FBN2: variants seen among roughly 807,000 people sequenced by gnomAD.
The protein encoded by FBN2 is fibrillin 2, also known as fibrillin-2.
A neutral mutation model predicts 355.6 loss-of-function variants in FBN2; 105 were observed. The ratio of observed to expected loss-of-function variants is 0.30; its 90% confidence interval spans 0.25 to 0.35. The LOEUF (loss-of-function observed/expected upper bound fraction) is 0.35, where lower values mean the gene tolerates loss of function less well. FBN2 is among the 10% of genes least tolerant of loss of function. The pLI, the probability that FBN2 is intolerant of heterozygous loss-of-function variation, is 1.00. For missense variants in FBN2, 3,280 were observed against 3,758.7 expected (o/e 0.87, Z 3.33); for synonymous variants, 1,350 against 1,301.2 (o/e 1.04, Z -0.81).
rs143288020 is a variant in FBN2, at chr5:128,376,995, G to A, written c.1850-142C>T. 4.9e-4 allele frequency: 480 copies of A among 982,408 alleles called. 3 individuals are homozygous for A. In the East Asian group the frequency reaches 0.011, roughly 22 times the overall value. 60.9% of individuals were successfully genotyped at this position (982,408 alleles called of 1,614,324 possible). A position where few individuals can be genotyped will look rare whatever the true frequency, so the allele number is the denominator to read the frequency against. Reference sequence around the variant, plus strand: ...TTTTAGTTTTTTTTAAAAAAAGAACGCCAACTGAATGAGAAAAAATAGTGC... The same window carrying A: ...TTTTAGTTTTTTTTAAAAAAAGAACACCAACTGAATGAGAAAAAATAGTGC... On this transcript the variant is annotated intron_variant, in intron 13 of 64. Coordinates refer to ENST00000262464, the MANE Select transcript of FBN2 (RefSeq NM_001999.4).
chr5:128,414,687 A>G (rs1444863323), intron 7 of FBN2, among the ~76,000 whole-genome samples: 1 of 152,160 alleles, frequency 6.6e-6, no homozygotes, highest in Non-Finnish European at 1.5e-5. Flanking sequence ...TTCTATGTTT[A>G]ACTTGTTGAG....
At chr5:128,537,190 G>A (rs945096920) in intron 1 of FBN2, among the ~76,000 whole-genome samples, 160 bp downstream of exon 1, 1 of 148,538 alleles carries the variant, frequency 6.7e-6, no homozygotes, top group African/African-American at 2.6e-5. Context: ...GGAAAAGGGG[G>A]ACGCGCTCCT....
chr5:128,419,004 T>A (rs529497171), intron 7 of FBN2, among the ~76,000 whole-genome samples: 17 of 152,334 alleles, frequency 1.1e-4, no homozygotes, highest in African/African-American at 4.1e-4. Flanking sequence ...TTTATTTAGA[T>A]CATTCTTAAT....
rs3215046 is a variant in FBN2 at position 128,311,167 on chromosome 5, G to GA, written c.5074+132dup. 24,273 of 692,440 alleles carry GA rather than the reference G, an allele frequency of 0.035. 11 individuals carry two copies. The highest frequency in any genetic ancestry group is 0.041 in the Middle Eastern group (99 of 2,402). The allele number at this position is 692,440 out of a possible 1,614,324, so 42.9% of individuals were successfully genotyped here. ...TCATACAACTTAGCTACATTGATAT[G>GA]AAAAAAAAAAAAGCTATGAACCAAT... On this transcript the variant is annotated intron_variant, in intron 39 of 64. Transcript: ENST00000262464.
At chr5:128,496,243 A>G (rs74473698) in intron 5 of FBN2, among the ~76,000 whole-genome samples, 2,182 of 152,248 alleles carry the variant, frequency 0.014, 58 homozygotes, top group African/African-American at 0.049. Context: ...AAAGAAAACT[A>G]CAGACAATAT....
In FBN2 at chr5:128,480,014, ATATATATATG is replaced by A. The variant is rs1349510142; in HGVS notation, c.629-15103_629-15094del. Among the ~76,000 whole-genome samples the A allele has an allele frequency of 5.0e-3, 369 of 73,946 alleles. 1 individual carries two copies. Among genetic ancestry groups the A allele is most frequent in the Non-Finnish European group, 6.4e-3 (220 of 34,374 alleles). 48.5% of individuals were successfully genotyped at this position (73,946 alleles called of 152,430 possible). A position where few individuals can be genotyped will look rare whatever the true frequency, so the allele number is the denominator to read the frequency against. On this transcript the variant is annotated intron_variant, in intron 5 of 64. Transcript: ENST00000262464. ...TATATATATATATATATATATATAT[ATATATATATG>A]TATATACACACACACACACACATAT...
chr5:128,304,303 C>T (rs1038517356), intron 45 of FBN2, among the ~76,000 whole-genome samples: 2 of 152,182 alleles, frequency 1.3e-5, no homozygotes, highest in Non-Finnish European at 2.9e-5. Context: ...TATACTCAGT[C>T]CCAGCTTCAT....
At chr5:128,320,817 G>A (rs1278276026) in intron 34 of FBN2, among the ~76,000 whole-genome samples, 1 of 152,132 alleles carries the variant, frequency 6.6e-6, no homozygotes, top group Non-Finnish European at 1.5e-5. Flanking sequence ...CTTTTCTAAT[G>A]TTAAGAATAA....
intron 27 of FBN2, 24 bp from the exon 28 acceptor site, chr5:128,336,137 T>C: frequency 6.2e-7 from 1 of 1,610,936 alleles, no homozygotes; most frequent in Non-Finnish European, 8.5e-7. Flanking sequence ...ACAGAAGTAA[T>C]GCTTTACACA....
chr5:128,263,309 C>A, intron 63 of FBN2, 116 bp downstream of exon 63: 1 of 796,822 alleles, frequency 1.3e-6, no homozygotes, highest in Non-Finnish European at 2.2e-6. Context: ...GAGTTCTAAT[C>A]AATGCTTTTG....
At position 128,377,800 on chromosome 5, in the gene FBN2, T is replaced by C. The variant is rs1360330555; in HGVS notation, c.1801A>G (p.Ile601Val). The change falls in exon 13 of 65, where the codon ATT (isoleucine) becomes GTT (valine). Residue 601 changes from isoleucine (I) to valine (V), a missense_variant. Ile to Val is a conservative substitution (Grantham distance 29). Coordinates refer to ENST00000262464, the MANE Select transcript of FBN2 (RefSeq NM_001999.4). ...CVNTDGSFQC[I>V]CNAGFELTTD... is the part of the protein sequence containing the mutation. The stretch of plus-strand genomic sequence containing the variant: ...GTTAATTCAAAGCCGGCATTGCAAA[T>C]GCACTGGAAACTTCCATCTGTGTTC... The C allele has an allele frequency of 6.2e-7, 1 of 1,613,518 alleles. No homozygotes were observed. The highest frequency in any genetic ancestry group is 1.3e-5 in the African/African-American group (1 of 74,886).
chr5:128,306,302 T>C (rs892051382), intron 42 of FBN2, among the ~76,000 whole-genome samples: 4 of 152,196 alleles, frequency 2.6e-5, no homozygotes, highest in African/African-American at 9.6e-5. Flanking sequence ...TATTTTATCA[T>C]ATATTCATAA....
Position 128,377,198 on chromosome 5 carries a change from A to C in FBN2, c.1850-345T>G, listed in dbSNP as rs374362376. 1.2e-4 allele frequency among the ~76,000 whole-genome samples: 18 copies of C among 152,330 alleles called. No homozygotes were observed. The East Asian group carries it at 2.5e-3, about 21-fold the overall frequency. ...ATAAGGCAATGGCAGACCTCACTGCAAATGAAATGATCTGGACTTTCATTA... is the reference window on the plus strand; with the variant it reads ...ATAAGGCAATGGCAGACCTCACTGCCAATGAAATGATCTGGACTTTCATTA... On this transcript the variant is annotated intron_variant, in intron 13 of 64. Coordinates refer to ENST00000262464, the MANE Select transcript of FBN2 (RefSeq NM_001999.4).
intron 11 of FBN2, among the ~76,000 whole-genome samples, chr5:128,381,363 C>A (rs966520748): frequency 2.0e-5 from 3 of 152,054 alleles, no homozygotes; most frequent in Non-Finnish European, 4.4e-5. Context: ...AAATCTATTG[C>A]CTTTCAAGTT....
intron 7 of FBN2, among the ~76,000 whole-genome samples, chr5:128,432,821 G>A (rs1753660142): frequency 6.6e-6 from 1 of 152,088 alleles, no homozygotes; most frequent in South Asian, 2.1e-4. Flanking sequence ...CTGGGTAACT[G>A]ATAAAGAAAA....
At chr5:128,342,490 A>G (rs1442020528) in intron 25 of FBN2, among the ~76,000 whole-genome samples, 2 of 152,120 alleles carry the variant, frequency 1.3e-5, no homozygotes, top group Non-Finnish European at 2.9e-5. Flanking sequence ...TACCAGCAGG[A>G]AAACGGGATG....
At chr5:128,406,794 C>T (rs1276317610) in intron 8 of FBN2, among the ~76,000 whole-genome samples, 2 of 152,078 alleles carry the variant, frequency 1.3e-5, no homozygotes, top group African/African-American at 4.8e-5. Flanking sequence ...ATTTTTGAAT[C>T]ACAGTGGGAA....
At position 128,302,986 on chromosome 5, in the gene FBN2, A is replaced by G; in HGVS notation, c.5904T>C (p.Asn1968=). The change falls in exon 46 of 65, where the codon AAT becomes AAC. Residue 1968 remains asparagine (N), a synonymous_variant. Coordinates refer to ENST00000262464, the MANE Select transcript of FBN2 (RefSeq NM_001999.4). ...TGAAGTACTTACCCAGGCAATCATT[A>G]TTATGAGTGAGTTCAAACCCTGGGT... ...LCYPGFELTH[N]NDCLDIDECS... is the part of the protein sequence containing the mutation. 1 of 1,559,346 alleles carries G rather than the reference A, an allele frequency of 6.4e-7. No homozygotes were observed. The highest frequency in any genetic ancestry group is 8.8e-7 in the Non-Finnish European group (1 of 1,130,166).
chr5:128,447,404 GTC>G lies in FBN2; in HGVS notation c.827-800_827-799del, dbSNP rs575330271. Among the ~76,000 whole-genome samples, 82 of 152,260 alleles carry G rather than the reference GTC, an allele frequency of 5.4e-4. 1 individual carries two copies. In the South Asian group the frequency reaches 0.017, roughly 31 times the overall value. On this transcript the variant is annotated intron_variant, in intron 6 of 64. Transcript: ENST00000262464. ...TCTCTGAAATGGCTGCTCTGGGACT[GTC>G]TCTCTTTTACAGTTGTAGATAAGGG...
Sources: allele counts gnomAD v4.1 joint callset (sites outside exome capture counted in the v4.1 genomes callset), GRCh38; gene constraint gnomAD v4.1.1; transcripts MANE v1.5; gene names NCBI Gene and HGNC (gene_info 2026-07-23, HGNC 2026-07-21).